The following ZFYVE28 variants were observed in gnomAD, a reference collection of about 807,000 sequenced individuals.
ZFYVE28 encodes the protein lateral signaling target protein 2 homolog.
In ZFYVE28, 40 loss-of-function variants were observed where a neutral mutation model predicts 82.1. The ratio of observed to expected loss-of-function variants is 0.49; its 90% CI spans 0.38 to 0.63. The LOEUF is 0.63. Among genes scored for constraint, ZFYVE28 ranks in the 30% least tolerant of loss-of-function variants. The probability of loss-of-function intolerance (pLI) is 0.00; values close to 1 mark genes in which losing one functional copy is unlikely to be tolerated. For missense variants in ZFYVE28, 1,321 were observed against 1,242.1 expected (o/e 1.06, Z -0.96); for synonymous variants, 612 against 546.1 (o/e 1.12, Z -1.68).
chr4:2,378,540 C>G (rs1032216666), intron 1 of ZFYVE28, among the ~76,000 whole-genome samples: 3 of 152,178 alleles, frequency 2.0e-5, no homozygotes, highest in African/African-American at 7.2e-5. Context: ...CCTCTCCACT[C>G]TCTCCCTGGG....
intron 1 of ZFYVE28, among the ~76,000 whole-genome samples, chr4:2,404,853 C>T (rs1303244581): frequency 1.7e-5 from 2 of 117,224 alleles, no homozygotes; most frequent in South Asian, 2.8e-4. Context: ...CTCTCAGTCT[C>T]GCTCTTTTTT....
intron 1 of ZFYVE28, among the ~76,000 whole-genome samples, chr4:2,402,179 T>C (rs1052387408): frequency 1.3e-5 from 2 of 152,200 alleles, no homozygotes; most frequent in South Asian, 2.1e-4. Context: ...GCTCCCCTCA[T>C]GGCACCAGGC....
chr4:2,370,319 G>A (rs757271735), intron 1 of ZFYVE28, among the ~76,000 whole-genome samples: 7 of 152,048 alleles, frequency 4.6e-5, no homozygotes, highest in East Asian at 1.9e-4. Context: ...ATGTCAGTGC[G>A]TTTATCCTAT....
At chr4:2,411,119 G>T (rs768167261) in intron 1 of ZFYVE28, among the ~76,000 whole-genome samples, 1 of 152,178 alleles carries the variant, frequency 6.6e-6, no homozygotes, top group Non-Finnish European at 1.5e-5. Flanking sequence ...CCTTTCTGGT[G>T]GGGGAGAGCC....
chr4:2,299,877 G>A (rs1181694643), intron 8 of ZFYVE28, among the ~76,000 whole-genome samples: 1 of 152,050 alleles, frequency 6.6e-6, no homozygotes, highest in African/African-American at 2.4e-5. Context: ...GGTCACTGCA[G>A]TCTCCACCTT....
intron 10 of ZFYVE28, 65 bp downstream of exon 10, chr4:2,273,100 GAGCACCCC>G: frequency 1.6e-6 from 2 of 1,282,346 alleles, no homozygotes; most frequent in East Asian, 4.7e-5. Context: ...GTGGATTTCT[GAGCACCCC>G]TCCCTGTGGG....
intron 2 of ZFYVE28, 75 bp downstream of exon 2, chr4:2,353,858 C>T (rs1236418406): frequency 7.6e-7 from 1 of 1,321,104 alleles, no homozygotes; most frequent in Admixed American, 3.8e-5. Flanking sequence ...GTGACAAAGC[C>T]TTGGTCTACT....
At position 2,417,038 on chromosome 4, in the gene ZFYVE28, C is replaced by T. The variant is rs564443878; in HGVS notation, c.39+1247G>A. ...AGGCACGGATTTCAGGAAACCTCTG[C>T]CGTGACAGCTCACCCACGGTGGAGG... On this transcript the variant is annotated intron_variant, in intron 1 of 12. Transcript: ENST00000290974. This position sits in a 1 kb window ranked among gnomAD's most constrained non-coding sequence, Gnocchi z 4.8. 2.6e-5 allele frequency among the ~76,000 whole-genome samples: 4 copies of T among 152,356 alleles called. No individual in the cohort carries two copies. The East Asian group carries it at 5.8e-4, about 22-fold the overall frequency.
chr4:2,355,438 C>T (rs867648769), intron 1 of ZFYVE28, among the ~76,000 whole-genome samples: 27 of 142,526 alleles, frequency 1.9e-4, no homozygotes, highest in African/African-American at 6.8e-4. Flanking sequence ...TCCATCACCA[C>T]GCCCGGCCAA....
chr4:2,330,812 C>T lies in ZFYVE28; in HGVS notation c.701+4893G>A, dbSNP rs1578118890. ...AGGGGACCCTGAGCGAAGGGGACAGCATGGTGGAGACCCAGGGCAGCGGGT... is the reference window on the plus strand; with the variant it reads ...AGGGGACCCTGAGCGAAGGGGACAGTATGGTGGAGACCCAGGGCAGCGGGT... On this transcript the variant is annotated intron_variant, in intron 6 of 12. Transcript: ENST00000290974. 5.9e-6 allele frequency: 9 copies of T among 1,532,234 alleles called. No individual in the cohort carries two copies. In the East Asian group the frequency reaches 2.2e-4, roughly 38 times the overall value. 94.9% of individuals were successfully genotyped at this position (1,532,234 alleles called of 1,614,324 possible).
At chr4:2,399,990 G>A (rs1027933036) in intron 1 of ZFYVE28, among the ~76,000 whole-genome samples, 2 of 152,200 alleles carry the variant, frequency 1.3e-5, no homozygotes, top group African/African-American at 4.8e-5. Flanking sequence ...AGGAAGTGCC[G>A]GCACCACGCA....
At chr4:2,399,715 T>C (rs531719000) in intron 1 of ZFYVE28, among the ~76,000 whole-genome samples, 1 of 152,112 alleles carries the variant, frequency 6.6e-6, no homozygotes, top group Non-Finnish European at 1.5e-5. Context: ...CAAGTGGCGA[T>C]ACTCGGATCC....
chr4:2,349,657 A>C (rs1370809822), intron 2 of ZFYVE28, among the ~76,000 whole-genome samples: 1 of 152,244 alleles, frequency 6.6e-6, no homozygotes, highest in Non-Finnish European at 1.5e-5. Context: ...CCCTGCCCTC[A>C]TGGCATCTGC....
rs1322894904 is a variant in ZFYVE28 at position 2,270,367 on chromosome 4, C to CCCA, written c.*355_*357dup. The CCCA allele has an allele frequency of 6.6e-6, 2 of 301,074 alleles. No homozygotes were observed. The highest frequency in any genetic ancestry group is 4.4e-5 in the African/African-American group (2 of 45,760). The allele number at this position is 301,074 out of a possible 1,614,324, so 18.7% of individuals were successfully genotyped here. A position where few individuals can be genotyped will look rare whatever the true frequency, so the allele number is the denominator to read the frequency against. ...CGCAACAGCAGAGGCGCAGAGTGGC[C>CCCA]CCACTCTTGTCCACCTCCATCACCC... On this transcript the variant is annotated 3_prime_UTR_variant, in exon 13 of 13. Coordinates refer to ENST00000290974, the MANE Select transcript of ZFYVE28 (RefSeq NM_020972.3).
At chr4:2,274,263 G>T (rs755485223) in intron 8 of ZFYVE28, 47 bp from the exon 9 acceptor site, 1 of 1,587,230 alleles carries the variant, frequency 6.3e-7, no homozygotes, top group Admixed American at 1.7e-5. Context: ...GCATGATAAG[G>T]GGCCGTGGAG....
chr4:2,330,799 G>A, intron 6 of ZFYVE28: 1 of 1,530,764 alleles, frequency 6.5e-7, no homozygotes, highest in Non-Finnish European at 8.7e-7. Context: ...GGGACCCTGA[G>A]CGAAGGGGAC....
rs933632397 is a variant in ZFYVE28 at position 2,417,617 on chromosome 4, T to A, written c.39+668A>T. On this transcript the variant is annotated intron_variant, in intron 1 of 12. Coordinates refer to ENST00000290974, the MANE Select transcript of ZFYVE28 (RefSeq NM_020972.3). The surrounding 1 kb of genome is among the most constrained non-coding windows in gnomAD (Gnocchi z 4.8). ...GACGTGGGTGGGGAAGGGACAAGGATAGGGACAAGGGAGGGGACGCGAACT... is the reference window on the plus strand; with the variant it reads ...GACGTGGGTGGGGAAGGGACAAGGAAAGGGACAAGGGAGGGGACGCGAACT... Among the ~76,000 whole-genome samples, 9 of 151,534 alleles carry A rather than the reference T, an allele frequency of 5.9e-5. No homozygotes were observed. Among genetic ancestry groups the A allele is most frequent in the African/African-American group, 1.7e-4 (7 of 41,220 alleles).
chr4:2,406,998 C>T (rs1286482866), intron 1 of ZFYVE28, among the ~76,000 whole-genome samples: 1 of 152,088 alleles, frequency 6.6e-6, no homozygotes, highest in Non-Finnish European at 1.5e-5. Context: ...TCAGTGCCAG[C>T]TCTGATTGCT....
At chr4:2,405,946 G>C (rs1369283373) in intron 1 of ZFYVE28, among the ~76,000 whole-genome samples, 1 of 151,962 alleles carries the variant, frequency 6.6e-6, no homozygotes, top group Admixed American at 6.6e-5. Context: ...CTACTCGGGA[G>C]GCTGAGGCAG....
Sources: gnomAD v4.1 joint callset for allele counts (sites outside exome capture counted in the v4.1 genomes callset) on GRCh38, gnomAD v4.1.1 for gene constraint, Gnocchi (gnomAD v3.1) non-coding constraint, MANE v1.5 for transcripts, NCBI Gene and HGNC (gene_info 2026-07-23, HGNC 2026-07-21) for gene names.